The following CCSER1 variants were observed in gnomAD, a reference collection of about 807,000 sequenced individuals.
The protein encoded by CCSER1 is serine-rich coiled-coil domain-containing protein 1.
CCSER1 carries 41 observed loss-of-function variants against 82.0 expected under a neutral mutation model. The ratio of observed to expected loss-of-function variants is 0.50; its 90% CI spans 0.39 to 0.65. The LOEUF (loss-of-function observed/expected upper bound fraction) is 0.65, where lower values mean the gene tolerates loss of function less well. Ranked by LOEUF, CCSER1 falls within the 30% of genes least tolerant of loss-of-function variation. The pLI, the probability that CCSER1 is intolerant of heterozygous loss-of-function variation, is 0.00. For missense variants in CCSER1, 1,119 were observed against 1,064.2 expected, an observed-to-expected ratio of 1.05 and a Z score of -0.72; for synonymous variants, 414 against 383.9, an observed-to-expected ratio of 1.08 and a Z score of -0.92.
At chr4:91,365,453 G>A (rs1749547228) in intron 10 of CCSER1, among the ~76,000 whole-genome samples, 1 of 152,000 alleles carries the variant, frequency 6.6e-6, no homozygotes, top group Admixed American at 6.6e-5. Flanking sequence ...GTGCAAAGTA[G>A]ATGATATTAT....
At chr4:90,425,421 T>A (rs578154698) in intron 4 of CCSER1, among the ~76,000 whole-genome samples, 1 of 152,312 alleles carries the variant, frequency 6.6e-6, no homozygotes, top group South Asian at 2.1e-4. Context: ...TTTTCCAAAT[T>A]TTGAGCACTT....
chr4:91,245,698 TTTTG>T (rs996530433), intron 10 of CCSER1, among the ~76,000 whole-genome samples: 6 of 151,904 alleles, frequency 3.9e-5, no homozygotes, highest in East Asian at 3.9e-4. Flanking sequence ...TATATATATA[TTTTG>T]TTTGTTTGTT....
intron 8 of CCSER1, among the ~76,000 whole-genome samples, chr4:90,834,886 C>G (rs11942418): frequency 0.03 from 4,560 of 152,248 alleles, 217 homozygotes; most frequent in African/African-American, 0.099. Flanking sequence ...TGGAAGTTAC[C>G]TGAAGCCACT....
intron 9 of CCSER1, among the ~76,000 whole-genome samples, chr4:90,957,453 G>A (rs1561417555): frequency 7.3e-6 from 1 of 137,152 alleles, no homozygotes; most frequent in East Asian, 2.1e-4. Flanking sequence ...CAATTTCATG[G>A]TATATAAATA....
chr4:90,550,957 C>A (rs529573817), intron 5 of CCSER1, among the ~76,000 whole-genome samples: 2 of 152,094 alleles, frequency 1.3e-5, no homozygotes, highest in South Asian at 2.1e-4. Flanking sequence ...TACTTTTATT[C>A]TTGAGTTTAT....
At chr4:91,140,102 AATT>A (rs1728885950) in intron 10 of CCSER1, among the ~76,000 whole-genome samples, 1 of 152,094 alleles carries the variant, frequency 6.6e-6, no homozygotes. Context: ...CTGGTTAGAT[AATT>A]ATTAGGAATA....
intron 10 of CCSER1, among the ~76,000 whole-genome samples, chr4:91,523,634 T>C (rs1760621301): frequency 6.6e-6 from 1 of 152,236 alleles, no homozygotes; most frequent in Non-Finnish European, 1.5e-5. Flanking sequence ...TTTATCCTTT[T>C]CTTTTAGATT....
chr4:90,571,967 C>A (rs1390449994), intron 5 of CCSER1, among the ~76,000 whole-genome samples: 2 of 151,958 alleles, frequency 1.3e-5, no homozygotes, highest in East Asian at 3.9e-4. Flanking sequence ...TTACTTGTAC[C>A]AGTATTTTAT....
intron 5 of CCSER1, among the ~76,000 whole-genome samples, chr4:90,507,989 T>C (rs1770950547): frequency 1.3e-5 from 2 of 152,076 alleles, no homozygotes; most frequent in Non-Finnish European, 2.9e-5. Flanking sequence ...TGAAGAATTT[T>C]CATAAATGTA....
At position 90,327,775 on chromosome 4, in the gene CCSER1, A is replaced by C. The variant is rs374491152; in HGVS notation, c.1509+14728A>C. On this transcript the variant is annotated intron_variant, in intron 3 of 10. Coordinates refer to ENST00000509176, the MANE Select transcript of CCSER1 (RefSeq NM_001145065.2). ...CCAGTGGGACCCCCTGGTTGTGACA[A>C]CTAAAAATATTTCCAGACATTGCCA... Among the ~76,000 whole-genome samples, 285 of 152,302 alleles carry C rather than the reference A, an allele frequency of 1.9e-3. 1 individual carries two copies. Among genetic ancestry groups the C allele is most frequent in the African/African-American group, 6.0e-3 (249 of 41,568 alleles).
chr4:91,603,743 TG>T lies in CCSER1; in HGVS notation c.*4689del, dbSNP rs905829820. 5 of 152,086 alleles carry T rather than the reference TG, an allele frequency of 3.3e-5. No individual in the cohort carries two copies. The highest frequency in any genetic ancestry group is 1.5e-5 in the Non-Finnish European group (1 of 67,986). The allele number at this position is 152,086 out of a possible 1,614,324, so 9.4% of individuals were successfully genotyped here. A position where few individuals can be genotyped will look rare whatever the true frequency, so the allele number is the denominator to read the frequency against. Reference sequence around the variant, plus strand: ...GTTGCTATAACAAAATACCATGGACTGGGTGACTAAACAACAGTCACTTGTG... The same window carrying T: ...GTTGCTATAACAAAATACCATGGACTGGTGACTAAACAACAGTCACTTGTG... On this transcript the variant is annotated 3_prime_UTR_variant, in exon 11 of 11. Transcript: ENST00000509176.
intron 10 of CCSER1, among the ~76,000 whole-genome samples, chr4:91,503,046 A>G (rs1376890400): frequency 2.6e-5 from 4 of 152,192 alleles, no homozygotes; most frequent in Non-Finnish European, 5.9e-5. Context: ...GGAAACTTGT[A>G]TAAGAAAGAT....
chr4:91,417,342 T>C (rs1402000199), intron 10 of CCSER1, among the ~76,000 whole-genome samples: 1 of 152,122 alleles, frequency 6.6e-6, no homozygotes, highest in Non-Finnish European at 1.5e-5. Context: ...CATTACTCAG[T>C]ACATAGCCAA....
At chr4:91,200,170 ATTC>A (rs1476594432) in intron 10 of CCSER1, among the ~76,000 whole-genome samples, 2 of 108,996 alleles carry the variant, frequency 1.8e-5, no homozygotes, top group African/African-American at 7.4e-5. Flanking sequence ...TTCAGCCACT[ATTC>A]TTTTTAGTTG....
intron 10 of CCSER1, among the ~76,000 whole-genome samples, chr4:91,121,377 C>A (rs528466942): frequency 1.3e-5 from 2 of 151,824 alleles, no homozygotes; most frequent in South Asian, 4.1e-4. Context: ...CTGACACTTA[C>A]TGCAGTTTAC....
intron 6 of CCSER1, among the ~76,000 whole-genome samples, chr4:90,701,072 G>C (rs1738008612): frequency 6.6e-6 from 1 of 152,168 alleles, no homozygotes; most frequent in Non-Finnish European, 1.5e-5. Flanking sequence ...CCTATGTCCT[G>C]AATGGTATTG....
chr4:91,268,728 C>G (rs1013020146), intron 10 of CCSER1, among the ~76,000 whole-genome samples: 1 of 152,026 alleles, frequency 6.6e-6, no homozygotes, highest in Non-Finnish European at 1.5e-5. Context: ...GGGGGTTTTT[C>G]TCTTACAGGC....
At chr4:91,486,190 A>G (rs943988197) in intron 10 of CCSER1, among the ~76,000 whole-genome samples, 13 of 151,824 alleles carry the variant, frequency 8.6e-5, no homozygotes, top group African/African-American at 3.1e-4. Context: ...TTAAAAATAT[A>G]TTTGTTATTT....
chr4:91,587,138 T>C (rs1764038958), intron 10 of CCSER1, among the ~76,000 whole-genome samples: 1 of 151,732 alleles, frequency 6.6e-6, no homozygotes, highest in Non-Finnish European at 1.5e-5. Context: ...ACACACAATC[T>C]ATAGAGTTGA....
Sources: allele counts gnomAD v4.1 joint callset (sites outside exome capture counted in the v4.1 genomes callset), GRCh38; gene constraint gnomAD v4.1.1; transcripts MANE v1.5; gene names NCBI Gene and HGNC (gene_info 2026-07-23, HGNC 2026-07-21).